RNLS: variants seen among roughly 807,000 people sequenced by gnomAD.
RNLS encodes renalase.
In RNLS, 39 loss-of-function variants were observed where a neutral mutation model predicts 39.8. The ratio of observed to expected loss-of-function variants is 0.98; its 90% CI spans 0.76 to 1.28. The LOEUF is 1.28. Ranked by LOEUF, RNLS falls within the 50% of genes most tolerant of loss-of-function variation. The probability of loss-of-function intolerance (pLI) is 0.00; values close to 1 mark genes in which losing one functional copy is unlikely to be tolerated. For synonymous variants in RNLS, 147 were observed against 150.7 expected (o/e 0.98, Z 0.18); for missense variants, 410 against 413.3 (o/e 0.99, Z 0.07).
At chr10:88,394,313 C>A (rs1852410551) in intron 4 of RNLS, among the ~76,000 whole-genome samples, 1 of 152,130 alleles carries the variant, frequency 6.6e-6, no homozygotes, top group African/African-American at 2.4e-5. Flanking sequence ...GGGCTAATAT[C>A]CAGAATCTAC....
At chr10:88,523,449 A>G (rs1846884336) in intron 4 of RNLS, among the ~76,000 whole-genome samples, 1 of 152,154 alleles carries the variant, frequency 6.6e-6, no homozygotes. Flanking sequence ...TTAAGCCTAT[A>G]AAGCAATACA....
At chr10:88,489,907 G>A (rs1361075472) in intron 4 of RNLS, among the ~76,000 whole-genome samples, 1 of 152,120 alleles carries the variant, frequency 6.6e-6, no homozygotes, top group Non-Finnish European at 1.5e-5. Context: ...ACTCTTTTAT[G>A]AATTACTGAT....
At chr10:88,568,948 G>A (rs544547926) in intron 4 of RNLS, among the ~76,000 whole-genome samples, 4 of 152,250 alleles carry the variant, frequency 2.6e-5, no homozygotes, top group African/African-American at 4.8e-5. Context: ...TGCATACCTC[G>A]ATACAACCAG....
In RNLS at chr10:88,369,318, G is replaced by A. The variant is rs147926390; in HGVS notation, c.527-6593C>T. Among the ~76,000 whole-genome samples, 521 of 152,216 alleles carry A rather than the reference G, an allele frequency of 3.4e-3. 1 individual carries two copies. Among genetic ancestry groups the A allele is most frequent in the Admixed American group, 5.0e-3 (76 of 15,278 alleles). ...CTTCTCTGCTTTGATCTGTGCCCAG[G>A]GAGACTGGCCCCTTTATGGGCTGAA... On this transcript the variant is annotated intron_variant, in intron 4 of 6. Transcript: ENST00000331772.
At chr10:88,434,785 G>A (rs1855363930) in intron 4 of RNLS, among the ~76,000 whole-genome samples, 1 of 152,038 alleles carries the variant, frequency 6.6e-6, no homozygotes, top group South Asian at 2.1e-4. Flanking sequence ...GCTAACTAAA[G>A]TTATTTAATC....
intron 4 of RNLS, among the ~76,000 whole-genome samples, chr10:88,386,074 G>C (rs1311304358): frequency 6.6e-6 from 1 of 152,088 alleles, no homozygotes; most frequent in Non-Finnish European, 1.5e-5. Flanking sequence ...CTGTAGCCTA[G>C]GTATTTTTAG....
the RNLS span, among the ~76,000 whole-genome samples, chr10:88,203,372 A>ACG: frequency 1.2e-3 from 2 of 1,652 alleles, 1 homozygote; most frequent in Non-Finnish European, 3.8e-3. Context: ...GTGTGTGTAT[A>ACG]TATATATATA....
chr10:88,510,984 AT>A (rs1194964923), intron 4 of RNLS, among the ~76,000 whole-genome samples: 1 of 150,818 alleles, frequency 6.6e-6, no homozygotes, highest in Non-Finnish European at 1.5e-5. Flanking sequence ...AGAAGACAAT[AT>A]GAGGCCCAGG....
At chr10:88,263,697 C>T in the RNLS span, among the ~76,000 whole-genome samples, 14 of 152,108 alleles carry the variant, frequency 9.2e-5, no homozygotes, top group African/African-American at 3.4e-4. Flanking sequence ...TCAGAATGAC[C>T]TGAGTTCAAG....
chr10:88,236,449 A>G, the RNLS span, among the ~76,000 whole-genome samples: 1 of 152,214 alleles, frequency 6.6e-6, no homozygotes, highest in African/African-American at 2.4e-5. Flanking sequence ...AGGGATGAAA[A>G]GAGGTTCTTC....
intron 3 of RNLS, among the ~76,000 whole-genome samples, chr10:88,579,016 C>A (rs1850369256): frequency 6.6e-6 from 1 of 152,056 alleles, no homozygotes; most frequent in Non-Finnish European, 1.5e-5. Context: ...TGACAAAAGG[C>A]ATACTAATAT....
intron 6 of RNLS, among the ~76,000 whole-genome samples, chr10:88,308,625 T>C (rs1389781386): frequency 6.6e-6 from 1 of 151,950 alleles, no homozygotes; most frequent in Non-Finnish European, 1.5e-5. Flanking sequence ...AAATAACAGA[T>C]GCTGGTGAGG....
chr10:88,501,019 C>CTGTGTGTGTG (rs10678689), intron 4 of RNLS, among the ~76,000 whole-genome samples: 3 of 150,006 alleles, frequency 2.0e-5, no homozygotes, highest in South Asian at 2.1e-4. Context: ...ATATATATCT[C>CTGTGTGTGTG]TGTGTGTGTG....
At chr10:88,541,046 T>C (rs1848012104) in intron 4 of RNLS, among the ~76,000 whole-genome samples, 3 of 151,020 alleles carry the variant, frequency 2.0e-5, no homozygotes, top group South Asian at 2.1e-4. Context: ...TTCTAAAATA[T>C]GGTTTATGTA....
intron 4 of RNLS, among the ~76,000 whole-genome samples, chr10:88,387,471 G>A (rs1331772373): frequency 9.3e-6 from 1 of 107,934 alleles, no homozygotes; most frequent in Non-Finnish European, 1.7e-5. Context: ...GACAGAAGAA[G>A]CACGCAAGAA....
intron 3 of RNLS, among the ~76,000 whole-genome samples, chr10:88,575,780 C>A (rs1034860991): frequency 2.8e-5 from 4 of 144,406 alleles, no homozygotes; most frequent in Non-Finnish European, 4.5e-5. Flanking sequence ...TTGCATAAAA[C>A]CCTTCAATGG....
chr10:88,323,104 C>A (rs1846306179), intron 5 of RNLS, among the ~76,000 whole-genome samples: 1 of 152,030 alleles, frequency 6.6e-6, no homozygotes, highest in South Asian at 2.1e-4. Context: ...ACAAGGAGAA[C>A]AACAGAATAC....
At chr10:88,460,391 C>T (rs1308746520) in intron 4 of RNLS, among the ~76,000 whole-genome samples, 2 of 152,110 alleles carry the variant, frequency 1.3e-5, no homozygotes, top group Admixed American at 6.6e-5. Context: ...ATAGCTGTCT[C>T]CTACTCATCC....
At chr10:88,235,613 A>G in the RNLS span, among the ~76,000 whole-genome samples, 1 of 152,054 alleles carries the variant, frequency 6.6e-6, no homozygotes, top group Non-Finnish European at 1.5e-5. Flanking sequence ...CCACCCCTCC[A>G]CCTAGATTCA....
Sources: gnomAD v4.1 joint callset for allele counts (sites outside exome capture counted in the v4.1 genomes callset) on GRCh38, gnomAD v4.1.1 for gene constraint, MANE v1.5 for transcripts, NCBI Gene and HGNC (gene_info 2026-07-23, HGNC 2026-07-21) for gene names.